ME2: variants seen among roughly 807,000 people sequenced by gnomAD.
ME2 encodes malic enzyme 2.
Under a neutral mutation model 73.7 loss-of-function variants are expected in ME2, and 60 were observed. The observed-to-expected ratio is 0.81, with a 90% CI of 0.66 to 1.01. The LOEUF is 1.01. Among genes scored for constraint, ME2 ranks in the 50% least tolerant of loss-of-function variants. The probability of loss-of-function intolerance (pLI) is 0.00; values close to 1 mark genes in which losing one functional copy is unlikely to be tolerated. For missense variants in ME2, 594 were observed against 705.5 expected (o/e 0.84, Z 1.79); for synonymous variants, 199 against 236.9 (o/e 0.84, Z 1.47).
In ME2 at chr18:50,941,929, A is replaced by AAT. The variant is rs1253097419; in HGVS notation, c.1587+1554_1587+1555dup. Reference sequence around the variant, plus strand: ...GCATTATTAGTGAGATTGAAGAATTAATATATATATATTAAGTGTATATAT... The same window carrying AAT: ...GCATTATTAGTGAGATTGAAGAATTAATATATATATATATTAAGTGTATATAT... On this transcript the variant is annotated intron_variant, in intron 15 of 15. Transcript: ENST00000321341. Among the ~76,000 whole-genome samples, 7 of 151,750 alleles carry AAT rather than the reference A, an allele frequency of 4.6e-5. No individual in the cohort carries two copies. In the East Asian group the frequency reaches 1.2e-3, roughly 25 times the overall value.
chr18:50,921,534 T>C (rs1366075374), intron 10 of ME2, among the ~76,000 whole-genome samples: 1 of 152,218 alleles, frequency 6.6e-6, no homozygotes, highest in Non-Finnish European at 1.5e-5. Context: ...AATTGCAGTA[T>C]TGCAGTAGTT....
At chr18:50,922,994 A>T (rs1917465990) in intron 10 of ME2, among the ~76,000 whole-genome samples, 1 of 152,118 alleles carries the variant, frequency 6.6e-6, no homozygotes, top group South Asian at 2.1e-4. Flanking sequence ...TGCATTCAGT[A>T]TGTTTTTGTC....
In ME2 at chr18:50,947,000, C is replaced by G. The variant is rs556352712; in HGVS notation, c.1588-17C>G. The G allele has an allele frequency of 1.3e-6, 2 of 1,594,602 alleles. No individual in the cohort carries two copies. The highest frequency in any genetic ancestry group is 1.7e-6 in the Non-Finnish European group (2 of 1,162,762). ...TTAATACTCAGAGCCTACACAATAA[C>G]CTTACTTATTTTTCAGGTTACAGAA... On this transcript the variant is annotated splice_polypyrimidine_tract_variant and intron_variant, in intron 15 of 15. Coordinates refer to ENST00000321341, the MANE Select transcript of ME2 (RefSeq NM_002396.5).
At chr18:50,897,871 GAAAAA>G (rs1916787938) in intron 2 of ME2, among the ~76,000 whole-genome samples, 3 of 107,444 alleles carry the variant, frequency 2.8e-5, no homozygotes, top group African/African-American at 1.3e-4. Flanking sequence ...AAAAAAAAAA[GAAAAA>G]GAAAAAGAAA....
At chr18:50,915,989 A>G (rs187683111) in intron 4 of ME2, 179 bp from the exon 5 acceptor site, 85 of 534,918 alleles carry the variant, frequency 1.6e-4, no homozygotes, top group African/African-American at 1.4e-3. Flanking sequence ...TATGAACAGT[A>G]ATTACAGTTT....
chr18:50,892,482 T>C (rs1357588563), intron 1 of ME2, among the ~76,000 whole-genome samples: 1 of 152,250 alleles, frequency 6.6e-6, no homozygotes, highest in East Asian at 1.9e-4. Context: ...TGTTGACTAT[T>C]CCCATCCAGA....
intron 10 of ME2, among the ~76,000 whole-genome samples, chr18:50,921,764 A>G (rs1038110103): frequency 6.6e-5 from 10 of 152,118 alleles, no homozygotes; most frequent in Non-Finnish European, 4.4e-5. Context: ...AATCCCCTGA[A>G]GAAATCTAAT....
At chr18:50,895,681 T>C (rs1916722014) in intron 1 of ME2, 128 bp from the exon 2 acceptor site, 2 of 626,888 alleles carry the variant, frequency 3.2e-6, no homozygotes, top group South Asian at 4.1e-5. Flanking sequence ...CACCTTCGCC[T>C]CTTGTTACCT....
chr18:50,941,666 C>T (rs1333264287), intron 15 of ME2, among the ~76,000 whole-genome samples: 2 of 140,614 alleles, frequency 1.4e-5, no homozygotes, highest in East Asian at 4.1e-4. Context: ...TGAGCCACCA[C>T]GCCCGGGCTG....
chr18:50,910,269 A>G (rs1244887878), intron 3 of ME2, among the ~76,000 whole-genome samples: 1 of 52,494 alleles, frequency 1.9e-5, no homozygotes, highest in Non-Finnish European at 4.2e-5. Context: ...CTGTTTCTAC[A>G]AAAAAAAAAA....
At chr18:50,915,878 T>C (rs1217329033) in intron 4 of ME2, 2 of 232,208 alleles carry the variant, frequency 8.6e-6, no homozygotes, top group Non-Finnish European at 1.7e-5. Flanking sequence ...TTTTTTTTTT[T>C]TCCTGGTGGT....
intron 13 of ME2, chr18:50,932,778 C>T (rs1373206834): frequency 1.3e-5 from 2 of 154,560 alleles, no homozygotes; most frequent in Non-Finnish European, 2.9e-5. Flanking sequence ...GCCTCAGCCT[C>T]CCGAGTATCT....
At position 50,953,703 on chromosome 18, in the gene ME2, A is replaced by G. The variant is rs967559601; in HGVS notation, c.*6519A>G. 1 of 152,222 alleles carries G rather than the reference A, an allele frequency of 6.6e-6. No individual in the cohort carries two copies. Among genetic ancestry groups the G allele is most frequent in the Non-Finnish European group, 1.5e-5 (1 of 68,038 alleles). 9.4% of individuals were successfully genotyped at this position (152,222 alleles called of 1,614,324 possible). The stretch of plus-strand genomic sequence containing the variant: ...CCACCTGTCAATTTGCAATTCAATT[A>G]TAAGGTATATTTTAAGTGATATCTA... On this transcript the variant is annotated 3_prime_UTR_variant, in exon 16 of 16. Transcript: ENST00000321341.
In ME2 at chr18:50,947,218, A is replaced by G; in HGVS notation, c.*34A>G. On this transcript the variant is annotated 3_prime_UTR_variant, in exon 16 of 16. Coordinates refer to ENST00000321341, the MANE Select transcript of ME2 (RefSeq NM_002396.5). ...CCCTGATAAATACTTTCTGTGCTCC[A>G]GGGAACCCCTTTTTTCAGACAAGAA... 1 of 1,591,272 alleles carries G rather than the reference A, an allele frequency of 6.3e-7. No individual in the cohort carries two copies. Among genetic ancestry groups the G allele is most frequent in the East Asian group, 2.2e-5 (1 of 44,588 alleles).
chr18:50,908,883 C>T (rs567334084), intron 3 of ME2, among the ~76,000 whole-genome samples: 141 of 151,926 alleles, frequency 9.3e-4, no homozygotes, highest in Middle Eastern at 3.5e-3. Context: ...TCAGGTGATC[C>T]GCCCGCCTCA....
At chr18:50,938,804 G>A (rs1917873728) in intron 13 of ME2, among the ~76,000 whole-genome samples, 2 of 152,126 alleles carry the variant, frequency 1.3e-5, no homozygotes, top group African/African-American at 4.8e-5. Flanking sequence ...CAGGAAATTC[G>A]AGAATATATA....
At chr18:50,925,287 T>C (rs1461486967) in intron 11 of ME2, among the ~76,000 whole-genome samples, 3 of 152,138 alleles carry the variant, frequency 2.0e-5, no homozygotes, top group Admixed American at 6.5e-5. Context: ...GAGACTAGCC[T>C]GGCCAACATG....
Position 50,925,740 on chromosome 18 carries a change from C to T in ME2, c.1172-16C>T, listed in dbSNP as rs1446285030. ...CCTATAATGAAGTTGCTGTTTTTCCCCCTTACTTATTACAGGAGTTGCAGG... is the reference window on the plus strand; with the variant it reads ...CCTATAATGAAGTTGCTGTTTTTCCTCCTTACTTATTACAGGAGTTGCAGG... On this transcript the variant is annotated splice_polypyrimidine_tract_variant and intron_variant, in intron 11 of 15. Coordinates refer to ENST00000321341, the MANE Select transcript of ME2 (RefSeq NM_002396.5). The T allele has an allele frequency of 1.9e-6, 3 of 1,611,660 alleles. No homozygotes were observed. In the South Asian group the frequency reaches 3.3e-5, roughly 18 times the overall value.
At chr18:50,904,562 C>T (rs547938046) in intron 2 of ME2, among the ~76,000 whole-genome samples, 45 of 152,108 alleles carry the variant, frequency 3.0e-4, no homozygotes, top group African/African-American at 1.0e-3. Flanking sequence ...GGATTACAGG[C>T]GTGAGCCACC....
Sources: allele counts gnomAD v4.1 joint callset (sites outside exome capture counted in the v4.1 genomes callset), GRCh38; gene constraint gnomAD v4.1.1; transcripts MANE v1.5; gene names NCBI Gene and HGNC (gene_info 2026-07-23, HGNC 2026-07-21).